The following DNAH11 variants were observed in gnomAD, a reference collection of about 807,000 sequenced individuals.
The protein encoded by DNAH11 is axonemal beta dynein heavy chain 11.
A neutral mutation model predicts 526.0 loss-of-function variants in DNAH11; 442 were observed. The ratio of observed to expected loss-of-function variants is 0.84; its 90% CI spans 0.78 to 0.91. The LOEUF (loss-of-function observed/expected upper bound fraction) is 0.91, where lower values mean the gene tolerates loss of function less well. Among genes scored for constraint, DNAH11 ranks in the 40% least tolerant of loss-of-function variants. The probability of loss-of-function intolerance (pLI) is 0.00; values close to 1 mark genes in which losing one functional copy is unlikely to be tolerated. For synonymous variants in DNAH11, 2,461 were observed against 1,935.9 expected, an observed-to-expected ratio of 1.27 and a Z score of -7.12; for missense variants, 6,989 against 5,448.7, an observed-to-expected ratio of 1.28 and a Z score of -8.90.
chr7:21,614,196 A>G (rs1420652869), intron 20 of DNAH11, among the ~76,000 whole-genome samples: 4 of 152,238 alleles, frequency 2.6e-5, no homozygotes, highest in Admixed American at 1.3e-4. Context: ...TTAAAGTTCA[A>G]AGAAACTAAA....
chr7:21,796,727 T>G (rs142409904), intron 61 of DNAH11, among the ~76,000 whole-genome samples: 1 of 152,276 alleles, frequency 6.6e-6, no homozygotes, highest in African/African-American at 2.4e-5. Context: ...CTTTCCATCT[T>G]TGTGAGCTTG....
chr7:21,735,819 C>T lies in DNAH11; in HGVS notation c.7620C>T (p.Tyr2540=). The change falls in exon 46 of 82, where the codon TAC becomes TAT. Residue 2540 remains tyrosine, a synonymous_variant. Transcript: ENST00000409508. The stretch of plus-strand genomic sequence containing the variant: ...TAGTATCCCGTGTGCCTTTCAACTA[C>T]TACACGACATCCACAGCTCTGCAAA... ...DYIVSRVPFN[Y]YTTSTALQKI... is the part of the protein sequence containing the mutation. 6.2e-7 allele frequency: 1 copy of T among 1,612,742 alleles called. No individual in the cohort carries two copies.
At chr7:21,855,566 A>G (rs1782812581) in intron 68 of DNAH11, among the ~76,000 whole-genome samples, 1 of 152,244 alleles carries the variant, frequency 6.6e-6, no homozygotes, top group Admixed American at 6.5e-5. Context: ...GACATTTTCA[A>G]ACTTTAAATA....
intron 65 of DNAH11, among the ~76,000 whole-genome samples, chr7:21,832,639 G>C (rs901446841): frequency 5.3e-5 from 8 of 152,170 alleles, no homozygotes; most frequent in Non-Finnish European, 1.0e-4. Context: ...AGAGGAAGGA[G>C]CATCGTTATA....
At chr7:21,653,864 A>T (rs1477041466) in intron 28 of DNAH11, among the ~76,000 whole-genome samples, 1 of 152,236 alleles carries the variant, frequency 6.6e-6, no homozygotes, top group Non-Finnish European at 1.5e-5. Flanking sequence ...TAAAGATTAA[A>T]TCACCCTAAG....
At chr7:21,751,613 G>C (rs550334604) in intron 54 of DNAH11, among the ~76,000 whole-genome samples, 1 of 152,100 alleles carries the variant, frequency 6.6e-6, no homozygotes, top group Admixed American at 6.6e-5. Context: ...GGCAGGCTGC[G>C]GCGGCTATAG....
chr7:21,870,931 C>T (rs1440165394), intron 73 of DNAH11, among the ~76,000 whole-genome samples: 1 of 152,118 alleles, frequency 6.6e-6, no homozygotes, highest in East Asian at 1.9e-4. Flanking sequence ...CTAGAAGTTG[C>T]TAGTATCCAT....
intron 47 of DNAH11, 48 bp downstream of exon 47, chr7:21,738,914 T>C (rs780418568): frequency 7.2e-7 from 1 of 1,396,302 alleles, no homozygotes; most frequent in Non-Finnish European, 9.6e-7. Context: ...TAATAATTAT[T>C]ATGGATAATA....
intron 65 of DNAH11, among the ~76,000 whole-genome samples, chr7:21,825,976 A>T (rs1207555157): frequency 6.6e-6 from 1 of 151,102 alleles, no homozygotes; most frequent in African/African-American, 2.4e-5. Context: ...AAAAAAAAAA[A>T]GTGTTTTGAT....
chr7:21,798,745 C>G (rs1278124386), intron 61 of DNAH11, among the ~76,000 whole-genome samples: 1 of 152,172 alleles, frequency 6.6e-6, no homozygotes, highest in Non-Finnish European at 1.5e-5. Context: ...ACATGCAACA[C>G]CTCAACAGAT....
intron 26 of DNAH11, among the ~76,000 whole-genome samples, chr7:21,636,942 G>A (rs529819341): frequency 6.6e-6 from 1 of 152,220 alleles, no homozygotes; most frequent in African/African-American, 2.4e-5. Flanking sequence ...AAAAGCCATA[G>A]AAAGCACGTG....
Position 21,742,045 on chromosome 7 carries a change from G to A in DNAH11, c.8033G>A (p.Ser2678Asn). 3 of 1,613,866 alleles carry A rather than the reference G, an allele frequency of 1.9e-6. No homozygotes were observed. Among genetic ancestry groups the A allele is most frequent in the South Asian group, 1.1e-5 (1 of 91,080 alleles). ...QQAFAPSILR[S>N]GPTLIQATIA... Reference sequence around the variant, plus strand: ...GCATTTGCTCCATCAATTCTCAGGAGTGGCCCCACTTTGATCCAGGCAACA... The same window carrying A: ...GCATTTGCTCCATCAATTCTCAGGAATGGCCCCACTTTGATCCAGGCAACA... Residue 2678 changes from serine (S) to asparagine (N), a missense_variant, in exon 49 of 82, where the codon AGT (serine) becomes AAT (asparagine). Transcript: ENST00000409508.
intron 9 of DNAH11, among the ~76,000 whole-genome samples, chr7:21,584,929 TCTTG>T (rs1156681084): frequency 6.8e-6 from 1 of 146,970 alleles, no homozygotes; most frequent in Admixed American, 6.6e-5. Flanking sequence ...TAGTTTTCTT[TCTTG>T]CTTTTACAAA....
At chr7:21,650,577 C>G (rs1787583247) in intron 28 of DNAH11, among the ~76,000 whole-genome samples, 1 of 147,916 alleles carries the variant, frequency 6.8e-6, no homozygotes, top group African/African-American at 2.5e-5. Context: ...AGATTCTTAA[C>G]CATATTGCAT....
chr7:21,762,250 CAG>C (rs1786954815), intron 54 of DNAH11, among the ~76,000 whole-genome samples: 1 of 152,130 alleles, frequency 6.6e-6, no homozygotes, highest in Non-Finnish European at 1.5e-5. Flanking sequence ...TCAAGTAACT[CAG>C]GGAAAGCATT....
intron 57 of DNAH11, 54 bp downstream of exon 57, chr7:21,779,158 C>T: frequency 6.5e-7 from 1 of 1,549,152 alleles, no homozygotes; most frequent in East Asian, 2.3e-5. Flanking sequence ...ACAAAATAAA[C>T]CTTGGTAGGT....
At chr7:21,726,082 G>A (rs1040172993) in intron 45 of DNAH11, 98 bp downstream of exon 45, 8 of 1,215,366 alleles carry the variant, frequency 6.6e-6, no homozygotes, top group African/African-American at 4.7e-5. Flanking sequence ...AGGTTTAATT[G>A]GCTCATGATT....
chr7:21,676,223 A>G (rs918199950), intron 30 of DNAH11, among the ~76,000 whole-genome samples: 1 of 152,200 alleles, frequency 6.6e-6, no homozygotes, highest in Non-Finnish European at 1.5e-5. Flanking sequence ...GTCCCAGGAA[A>G]ATAGCCACTT....
intron 5 of DNAH11, among the ~76,000 whole-genome samples, chr7:21,562,336 C>T (rs1398829955): frequency 6.6e-6 from 1 of 152,130 alleles, no homozygotes; most frequent in African/African-American, 2.4e-5. Context: ...CAAATGTCCC[C>T]TGGGGGCAAG....
Sources: allele counts gnomAD v4.1 joint callset (sites outside exome capture counted in the v4.1 genomes callset), GRCh38; gene constraint gnomAD v4.1.1; transcripts MANE v1.5; gene names NCBI Gene and HGNC (gene_info 2026-07-23, HGNC 2026-07-21).